ZCCHC7: variants seen among roughly 807,000 people sequenced by gnomAD.
The protein encoded by ZCCHC7 is zinc finger CCHC-type containing 7, also known as zinc finger CCHC domain-containing protein 7.
A neutral mutation model predicts 52.0 loss-of-function variants in ZCCHC7; 35 were observed. That is an observed-to-expected ratio of 0.67 (90% CI 0.51 to 0.89). ZCCHC7 has a LOEUF of 0.89. Among genes scored for constraint, ZCCHC7 ranks in the 40% least tolerant of loss-of-function variants. The pLI is 0.00. For missense variants in ZCCHC7, 574 were observed against 649.1 expected, an observed-to-expected ratio of 0.88 and a Z score of 1.26; for synonymous variants, 217 against 221.5, an observed-to-expected ratio of 0.98 and a Z score of 0.18.
Position 37,340,536 on chromosome 9 carries a change from T to C in ZCCHC7, c.988-8821T>C, listed in dbSNP as rs568301957. On this transcript the variant is annotated intron_variant, in intron 6 of 8. Transcript: ENST00000336755. ...CAAAAACTACATTCATTGCCTTGCATTTAACTTTTTGTCAGCAGTACAGGC... is the reference window on the plus strand; with the variant it reads ...CAAAAACTACATTCATTGCCTTGCACTTAACTTTTTGTCAGCAGTACAGGC... Among the ~76,000 whole-genome samples the C allele has an allele frequency of 2.9e-4, 44 of 152,270 alleles. 1 individual carries two copies. The highest frequency in any genetic ancestry group is 9.1e-4 in the African/African-American group (38 of 41,558).
At chr9:37,325,394 CATTTT>C (rs766025072) in intron 5 of ZCCHC7, among the ~76,000 whole-genome samples, 1 of 152,290 alleles carries the variant, frequency 6.6e-6, no homozygotes, top group East Asian at 1.9e-4. Context: ...ACTAGTAATT[CATTTT>C]AAGTATTTTT....
rs751424265 is a variant in ZCCHC7 at position 37,126,337 on chromosome 9, T to C, written c.5T>C (p.Met2Thr). The C allele has an allele frequency of 6.2e-5, 100 of 1,608,574 alleles. No homozygotes were observed. Among genetic ancestry groups the C allele is most frequent in the Non-Finnish European group, 8.5e-7 (1 of 1,177,404 alleles). M[M>T]FGGYETIEAY... Reference sequence around the variant, plus strand: ...CTTCAAGGTTACTGACTTTTTATGATGTTTGGTGGCTATGAGACTATAGAA... The same window carrying C: ...CTTCAAGGTTACTGACTTTTTATGACGTTTGGTGGCTATGAGACTATAGAA... The change falls in exon 2 of 9, where the codon ATG (methionine) becomes ACG (threonine). Residue 2 changes from methionine to threonine, a missense_variant. By Grantham distance (81) the Met-to-Thr change is moderately conservative. Coordinates refer to ENST00000336755, the MANE Select transcript of ZCCHC7 (RefSeq NM_032226.3).
chr9:37,358,130 A>G lies in ZCCHC7; in HGVS notation c.*862A>G, dbSNP rs1377968584. ...ATAACCTAATGTCAGACTAAGAAAA[A>G]TAAAATATCTGAGAGTAAATACATG... On this transcript the variant is annotated 3_prime_UTR_variant, in exon 9 of 9. Coordinates refer to ENST00000336755, the MANE Select transcript of ZCCHC7 (RefSeq NM_032226.3). The G allele has an allele frequency of 6.6e-6, 1 of 152,206 alleles. No individual in the cohort carries two copies. The allele number at this position is 152,206 out of a possible 1,614,324, so 9.4% of individuals were successfully genotyped here. A position where few individuals can be genotyped will look rare whatever the true frequency, so the allele number is the denominator to read the frequency against.
At chr9:37,218,790 C>T (rs1250556800) in intron 2 of ZCCHC7, among the ~76,000 whole-genome samples, 30 of 151,686 alleles carry the variant, frequency 2.0e-4, no homozygotes, top group Admixed American at 1.8e-3. Context: ...GCCTGGGTGA[C>T]GGAGCGAGAC....
At chr9:37,348,480 A>G (rs918774346) in intron 6 of ZCCHC7, among the ~76,000 whole-genome samples, 2 of 151,800 alleles carry the variant, frequency 1.3e-5, no homozygotes, top group Admixed American at 1.3e-4. Context: ...CCCAGGTTCA[A>G]GCGATTCTCC....
chr9:37,355,911 A>G (rs972943467), intron 8 of ZCCHC7, among the ~76,000 whole-genome samples: 4 of 152,226 alleles, frequency 2.6e-5, no homozygotes, highest in Admixed American at 2.0e-4. Flanking sequence ...TGAAAATGTC[A>G]TCTCTAGATT....
intron 2 of ZCCHC7, among the ~76,000 whole-genome samples, chr9:37,297,660 GATTCTT>G (rs1248237894): frequency 6.6e-6 from 1 of 152,224 alleles, no homozygotes; most frequent in African/African-American, 2.4e-5. Flanking sequence ...CTGAGGAAAT[GATTCTT>G]AGTCTCTGGC....
intron 2 of ZCCHC7, among the ~76,000 whole-genome samples, chr9:37,278,014 T>TG (rs1827763120): frequency 6.9e-6 from 1 of 144,938 alleles, no homozygotes; most frequent in East Asian, 2.0e-4. Context: ...GTTTTTTTGT[T>TG]TGTGTGTGTG....
intron 6 of ZCCHC7, among the ~76,000 whole-genome samples, chr9:37,346,753 A>T (rs1458269567): frequency 6.6e-6 from 1 of 152,202 alleles, no homozygotes; most frequent in East Asian, 1.9e-4. Context: ...AGGTGAAAGG[A>T]TCACTTGACC....
intron 7 of ZCCHC7, among the ~76,000 whole-genome samples, chr9:37,351,351 A>T (rs506981): frequency 0.44 from 66,159 of 151,974 alleles, 15,625 homozygotes; most frequent in African/African-American, 0.62. Context: ...GAGACACGGT[A>T]CAGAGTGCAG....
chr9:37,248,724 CTTA>C (rs981881788), intron 2 of ZCCHC7, among the ~76,000 whole-genome samples: 3 of 152,142 alleles, frequency 2.0e-5, no homozygotes, highest in South Asian at 2.1e-4. Flanking sequence ...CAAGTAAAAA[CTTA>C]TTATGAGTGC....
intron 6 of ZCCHC7, among the ~76,000 whole-genome samples, chr9:37,348,740 A>G (rs746173488): frequency 2.0e-4 from 31 of 152,078 alleles, no homozygotes; most frequent in Non-Finnish European, 3.5e-4. Flanking sequence ...CCTTTACTTG[A>G]CTTACAAGGC....
chr9:37,126,207 A>G, intron 1 of ZCCHC7, 105 bp from the exon 2 acceptor site: 2 of 1,107,480 alleles, frequency 1.8e-6, no homozygotes, highest in Non-Finnish European at 2.6e-6. Context: ...GAGAATAGTG[A>G]TGGCCTTCAT....
At chr9:37,210,555 T>C (rs1249489065) in intron 2 of ZCCHC7, among the ~76,000 whole-genome samples, 1 of 152,182 alleles carries the variant, frequency 6.6e-6, no homozygotes, top group African/African-American at 2.4e-5. Flanking sequence ...CTTGTGTGCA[T>C]TACATCATTC....
rs146925447 is a variant in ZCCHC7 at position 37,139,153 on chromosome 9, A to T, written c.610+12211A>T. Among the ~76,000 whole-genome samples, 641 of 152,120 alleles carry T rather than the reference A, an allele frequency of 4.2e-3. 10 individuals carry two copies. Among genetic ancestry groups the T allele is most frequent in the Middle Eastern group, 0.01 (3 of 294 alleles). On this transcript the variant is annotated intron_variant, in intron 2 of 8. Transcript: ENST00000336755. ...GGTTAAGACTTATTAATGAAGCAAA[A>T]GTATGGACTTCATGGAAGTTTTCAG...
intron 5 of ZCCHC7, among the ~76,000 whole-genome samples, chr9:37,306,008 A>G (rs1173710080): frequency 6.6e-6 from 1 of 152,142 alleles, no homozygotes. Flanking sequence ...TTGTTAAATA[A>G]AGGCTGAATT....
chr9:37,120,799 C>T (rs971960273), intron 1 of ZCCHC7, 176 bp downstream of exon 1: 6 of 316,148 alleles, frequency 1.9e-5, no homozygotes, highest in Non-Finnish European at 2.9e-5. Flanking sequence ...CGCGCCGCCC[C>T]ACGCGGCCGG....
intron 2 of ZCCHC7, among the ~76,000 whole-genome samples, chr9:37,132,083 C>T (rs1200232356): frequency 6.6e-6 from 1 of 152,084 alleles, no homozygotes; most frequent in Non-Finnish European, 1.5e-5. Flanking sequence ...GATTCCCGCC[C>T]CTTCCTTTTT....
chr9:37,293,960 A>C (rs1828659783), intron 2 of ZCCHC7, among the ~76,000 whole-genome samples: 1 of 152,196 alleles, frequency 6.6e-6, no homozygotes, highest in Admixed American at 6.5e-5. Context: ...AAAAATAAAA[A>C]ATTGTTTCTG....
Sources: allele counts gnomAD v4.1 joint callset (sites outside exome capture counted in the v4.1 genomes callset), GRCh38; gene constraint gnomAD v4.1.1; transcripts MANE v1.5; gene names NCBI Gene and HGNC (gene_info 2026-07-23, HGNC 2026-07-21).